The following ARHGEF38 variants were observed in gnomAD, a reference collection of about 807,000 sequenced individuals.
ARHGEF38 encodes the protein Rho guanine nucleotide exchange factor (GEF) 38.
ARHGEF38 carries 79 observed loss-of-function variants against 79.9 expected under a neutral mutation model. That is an observed-to-expected ratio of 0.99 (90% CI 0.82 to 1.19). ARHGEF38 has a LOEUF of 1.19. Among genes scored for constraint, ARHGEF38 ranks in the 50% most tolerant of loss-of-function variants. The pLI is 0.00. For synonymous variants in ARHGEF38, 366 were observed against 328.3 expected, an observed-to-expected ratio of 1.11 and a Z score of -1.24; for missense variants, 962 against 907.2, an observed-to-expected ratio of 1.06 and a Z score of -0.78.
intron 1 of ARHGEF38, among the ~76,000 whole-genome samples, chr4:105,585,098 A>C (rs2110447462): frequency 6.6e-6 from 1 of 152,334 alleles, no homozygotes; most frequent in South Asian, 2.1e-4. Context: ...CAAGTTGGTA[A>C]CCACAAAATA....
Position 105,654,103 on chromosome 4 carries a change from T to C in ARHGEF38, c.1047T>C (p.Phe349=). 6.6e-7 allele frequency: 1 copy of C among 1,519,178 alleles called. No individual in the cohort carries two copies. The highest frequency in any genetic ancestry group is 8.8e-7 in the Non-Finnish European group (1 of 1,135,020). The allele number at this position is 1,519,178 out of a possible 1,614,324, so 94.1% of individuals were successfully genotyped here. Residue 349 remains phenylalanine (F), a synonymous_variant, in exon 8 of 14, where the codon TTT becomes TTC. Transcript: ENST00000420470. ...CCTTTAACAGAGAAGAAAAGCTGTT[T>C]AGAGCTTTAGAAAAGACTGTGAGGC... The part of the protein sequence containing the change: ...DNTFNREEKL[F]RALEKTVRLC...
At position 105,679,255 on chromosome 4, in the gene ARHGEF38, A is replaced by G; in HGVS notation, c.*1318A>G. ...TTCCATCATAATATTCTTTAATTTC[A>G]GGTAATTTAGCTGGCACTGAGAGTA... On this transcript the variant is annotated 3_prime_UTR_variant, in exon 14 of 14. Coordinates refer to ENST00000420470, the MANE Select transcript of ARHGEF38 (RefSeq NM_001242729.2). 1 of 680,762 alleles carries G rather than the reference A, an allele frequency of 1.5e-6. No homozygotes were observed. Among genetic ancestry groups the G allele is most frequent in the Non-Finnish European group, 2.6e-6 (1 of 379,396 alleles). 42.2% of individuals were successfully genotyped at this position (680,762 alleles called of 1,614,324 possible). A position where few individuals can be genotyped will look rare whatever the true frequency, so the allele number is the denominator to read the frequency against.
At chr4:105,623,869 CA>C (rs1486931173) in intron 3 of ARHGEF38, among the ~76,000 whole-genome samples, 1 of 152,194 alleles carries the variant, frequency 6.6e-6, no homozygotes, top group African/African-American at 2.4e-5. Context: ...TAGCACCCCC[CA>C]GTTTGTCCTG....
chr4:105,679,913 A>G lies in ARHGEF38; in HGVS notation c.*1976A>G, dbSNP rs1731252658. On this transcript the variant is annotated 3_prime_UTR_variant, in exon 14 of 14. Transcript: ENST00000420470. ...AGGAGCCACATTGGTTGCCACCAAA[A>G]CTTTATAATTACCTCTCTGAAGCCT... 1 of 1,411,006 alleles carries G rather than the reference A, an allele frequency of 7.1e-7. No homozygotes were observed. Among genetic ancestry groups the G allele is most frequent in the Non-Finnish European group, 1.0e-6 (1 of 999,624 alleles). The allele number at this position is 1,411,006 out of a possible 1,614,324, so 87.4% of individuals were successfully genotyped here. A position where few individuals can be genotyped will look rare whatever the true frequency, so the allele number is the denominator to read the frequency against.
chr4:105,633,556 T>G (rs1280633952), intron 4 of ARHGEF38, among the ~76,000 whole-genome samples: 1 of 152,148 alleles, frequency 6.6e-6, no homozygotes, highest in Non-Finnish European at 1.5e-5. Flanking sequence ...GTGGCCTCCA[T>G]TTTATCCTGT....
chr4:105,614,829 G>T (rs1728447789), intron 3 of ARHGEF38, among the ~76,000 whole-genome samples: 2 of 152,120 alleles, frequency 1.3e-5, no homozygotes, highest in Admixed American at 6.5e-5. Context: ...ACATTGCTTG[G>T]TATCAAAAGG....
At chr4:105,557,064 A>G (rs1725284989) in intron 1 of ARHGEF38, among the ~76,000 whole-genome samples, 1 of 152,168 alleles carries the variant, frequency 6.6e-6, no homozygotes, top group Admixed American at 6.5e-5. Context: ...TGGGAGCCAT[A>G]GAAATTACCT....
chr4:105,595,704 A>G (rs1336672160), intron 2 of ARHGEF38, among the ~76,000 whole-genome samples: 2 of 152,184 alleles, frequency 1.3e-5, no homozygotes, highest in Admixed American at 6.5e-5. Flanking sequence ...ACATTTACAC[A>G]TAACCTACAC....
intron 10 of ARHGEF38, among the ~76,000 whole-genome samples, chr4:105,664,756 A>ACAT (rs1401652228): frequency 3.3e-5 from 5 of 152,300 alleles, no homozygotes; most frequent in African/African-American, 1.2e-4. Flanking sequence ...GGGTACAACA[A>ACAT]CATCTAGGTT....
intron 2 of ARHGEF38, among the ~76,000 whole-genome samples, chr4:105,597,336 C>T (rs1001382357): frequency 3.3e-5 from 5 of 152,136 alleles, no homozygotes; most frequent in Non-Finnish European, 5.9e-5. Flanking sequence ...AATGAATTTT[C>T]GATGGTCACA....
At chr4:105,671,944 G>A (rs1578368086) in intron 13 of ARHGEF38, among the ~76,000 whole-genome samples, 1 of 152,114 alleles carries the variant, frequency 6.6e-6, no homozygotes, top group Non-Finnish European at 1.5e-5. Flanking sequence ...GGGTGTTGTA[G>A]GATGTAGTCT....
chr4:105,575,527 A>G (rs913853649), intron 1 of ARHGEF38, among the ~76,000 whole-genome samples: 2 of 152,000 alleles, frequency 1.3e-5, no homozygotes, highest in African/African-American at 4.8e-5. Flanking sequence ...AATTTGTTTG[A>G]GTTCCTTGTA....
chr4:105,646,003 A>T (rs921124992), intron 6 of ARHGEF38, among the ~76,000 whole-genome samples: 4 of 152,198 alleles, frequency 2.6e-5, no homozygotes, highest in Admixed American at 2.0e-4. Context: ...TACATCCCAG[A>T]GGTAGTAATG....
At chr4:105,580,353 G>A (rs1726726495) in intron 1 of ARHGEF38, among the ~76,000 whole-genome samples, 1 of 152,138 alleles carries the variant, frequency 6.6e-6, no homozygotes, top group African/African-American at 2.4e-5. Context: ...TGGGCATTTA[G>A]TGCTATATAT....
chr4:105,570,592 C>T (rs1233894835), intron 1 of ARHGEF38, among the ~76,000 whole-genome samples: 1 of 152,052 alleles, frequency 6.6e-6, no homozygotes, highest in African/African-American at 2.4e-5. Flanking sequence ...GGGAAAAGGC[C>T]CTTGTAAAAC....
intron 3 of ARHGEF38, among the ~76,000 whole-genome samples, chr4:105,624,334 G>T (rs1316551676): frequency 6.6e-6 from 1 of 152,172 alleles, no homozygotes; most frequent in Non-Finnish European, 1.5e-5. Flanking sequence ...AAATAATTTG[G>T]AAGTCTTATT....
At chr4:105,586,290 T>C (rs1727044810) in intron 1 of ARHGEF38, among the ~76,000 whole-genome samples, 1 of 141,444 alleles carries the variant, frequency 7.1e-6, no homozygotes, top group Non-Finnish European at 1.6e-5. Context: ...GCAAGTGAAG[T>C]TTTTGTTCCT....
chr4:105,621,001 G>T (rs1728715154), intron 3 of ARHGEF38, among the ~76,000 whole-genome samples: 1 of 152,226 alleles, frequency 6.6e-6, no homozygotes, highest in South Asian at 2.1e-4. Flanking sequence ...GAAGTATCAT[G>T]GAGAGAGACA....
At chr4:105,603,047 A>G (rs1011356151) in intron 2 of ARHGEF38, among the ~76,000 whole-genome samples, 1 of 152,130 alleles carries the variant, frequency 6.6e-6, no homozygotes, top group Non-Finnish European at 1.5e-5. Flanking sequence ...CCATCATTTT[A>G]CAGATCAATG....
Sources: gnomAD v4.1 joint callset for allele counts (sites outside exome capture counted in the v4.1 genomes callset) on GRCh38, gnomAD v4.1.1 for gene constraint, MANE v1.5 for transcripts, NCBI Gene and HGNC (gene_info 2026-07-23, HGNC 2026-07-21) for gene names.